Variants in SEMA6D observed in about 807,000 individuals in gnomAD.
The protein encoded by SEMA6D is semaphorin-6D.
Under a neutral mutation model 106.6 loss-of-function variants are expected in SEMA6D, and 35 were observed. The observed-to-expected ratio is 0.33, with a 90% CI of 0.25 to 0.44. SEMA6D has a LOEUF of 0.44. SEMA6D is among the 20% of genes least tolerant of loss of function. The pLI, the probability that SEMA6D is intolerant of heterozygous loss-of-function variation, is 1.00. For synonymous variants in SEMA6D, 499 were observed against 487.7 expected (o/e 1.02, Z -0.31); for missense variants, 1,185 against 1,345.9 (o/e 0.88, Z 1.87).
chr15:47,768,401 A>G (rs1306944746), intron 17 of SEMA6D, among the ~76,000 whole-genome samples, 180 bp from the exon 18 acceptor site: 1 of 152,018 alleles, frequency 6.6e-6, no homozygotes, highest in African/African-American at 2.4e-5. Flanking sequence ...GTTAATTTTT[A>G]GTTTTCATTC....
At chr15:47,656,535 A>C (rs529935953) in intron 4 of SEMA6D, among the ~76,000 whole-genome samples, 1 of 152,188 alleles carries the variant, frequency 6.6e-6, no homozygotes, top group African/African-American at 2.4e-5. Flanking sequence ...GAACACACTT[A>C]CTCTATTTGT....
chr15:47,644,409 A>T (rs1036133511), intron 4 of SEMA6D, among the ~76,000 whole-genome samples: 1 of 152,224 alleles, frequency 6.6e-6, no homozygotes, highest in Non-Finnish European at 1.5e-5. Context: ...ATGCATTTTG[A>T]AGCAATTAAT....
chr15:47,507,189 A>T (rs934489099), intron 3 of SEMA6D, among the ~76,000 whole-genome samples: 5 of 152,202 alleles, frequency 3.3e-5, no homozygotes, highest in Non-Finnish European at 7.3e-5. Context: ...ATGATGAGAA[A>T]ACTAAATAGG....
At chr15:47,220,936 G>A (rs1206190646) in intron 1 of SEMA6D, among the ~76,000 whole-genome samples, 2 of 152,126 alleles carry the variant, frequency 1.3e-5, no homozygotes, top group African/African-American at 4.8e-5. Context: ...ATTAATACTT[G>A]CATTCAATAA....
chr15:47,486,561 C>T (rs989196722), intron 3 of SEMA6D, among the ~76,000 whole-genome samples: 7 of 152,170 alleles, frequency 4.6e-5, no homozygotes, highest in African/African-American at 1.7e-4. Context: ...GCTGGACGTG[C>T]ACTACAATGA....
intron 1 of SEMA6D, among the ~76,000 whole-genome samples, chr15:47,744,573 G>A (rs1165643423): frequency 6.6e-6 from 1 of 152,148 alleles, no homozygotes. Flanking sequence ...TTGTGGGGGG[G>A]AAAATGCACC....
intron 3 of SEMA6D, among the ~76,000 whole-genome samples, chr15:47,593,278 G>A (rs1013038566): frequency 2.6e-5 from 4 of 151,954 alleles, no homozygotes; most frequent in Admixed American, 1.3e-4. Context: ...GGTGGCTGGC[G>A]CCTGTAGTCC....
intron 3 of SEMA6D, among the ~76,000 whole-genome samples, chr15:47,502,642 T>G (rs1332845594): frequency 1.3e-5 from 2 of 152,240 alleles, no homozygotes; most frequent in African/African-American, 4.8e-5. Context: ...CTTTGAAAGA[T>G]GGCTCCCTTC....
chr15:47,468,864 T>A (rs1043671247), intron 2 of SEMA6D, among the ~76,000 whole-genome samples: 2 of 152,104 alleles, frequency 1.3e-5, no homozygotes, highest in African/African-American at 4.8e-5. Flanking sequence ...ATCAACACAC[T>A]AGGAAGCCAT....
chr15:47,556,392 C>T (rs138801709), intron 3 of SEMA6D, among the ~76,000 whole-genome samples: 1 of 152,166 alleles, frequency 6.6e-6, no homozygotes, highest in East Asian at 1.9e-4. Flanking sequence ...TTGATGAATA[C>T]ATAAGGATTA....
At chr15:47,441,456 C>T (rs2140782306) in intron 2 of SEMA6D, among the ~76,000 whole-genome samples, 1 of 152,178 alleles carries the variant, frequency 6.6e-6, no homozygotes, top group South Asian at 2.1e-4. Flanking sequence ...ACAAGCAAGA[C>T]AAATGATATG....
At chr15:47,353,512 T>G (rs1816850516) in intron 1 of SEMA6D, among the ~76,000 whole-genome samples, 2 of 152,194 alleles carry the variant, frequency 1.3e-5, no homozygotes, top group Non-Finnish European at 2.9e-5. Flanking sequence ...TCAACTAAGG[T>G]CATACGTTAC....
chr15:47,757,414 A>G (rs1375827735), intron 1 of SEMA6D, among the ~76,000 whole-genome samples: 2 of 152,144 alleles, frequency 1.3e-5, no homozygotes, highest in African/African-American at 2.4e-5. Flanking sequence ...AACATTTTAT[A>G]CTTTTATACT....
At chr15:47,280,160 A>G (rs2035044426) in intron 1 of SEMA6D, among the ~76,000 whole-genome samples, 1 of 151,516 alleles carries the variant, frequency 6.6e-6, no homozygotes, top group South Asian at 2.1e-4. Flanking sequence ...CTGGTCCTGG[A>G]CTCTTCTTGG....
intron 2 of SEMA6D, among the ~76,000 whole-genome samples, chr15:47,468,689 G>T (rs750758369): frequency 3.3e-5 from 5 of 152,122 alleles, no homozygotes; most frequent in Admixed American, 6.5e-5. Flanking sequence ...TATTAAAGCG[G>T]CACTTTTCCT....
chr15:47,425,851 A>C (rs1464007818), intron 2 of SEMA6D, among the ~76,000 whole-genome samples: 1 of 151,906 alleles, frequency 6.6e-6, no homozygotes, highest in Non-Finnish European at 1.5e-5. Context: ...TAGGACTGGA[A>C]ACAAATTTAT....
At chr15:47,360,899 CAT>C (rs1484237129) in intron 1 of SEMA6D, among the ~76,000 whole-genome samples, 1 of 152,206 alleles carries the variant, frequency 6.6e-6, no homozygotes, top group African/African-American at 2.4e-5. Flanking sequence ...ATATTTGAAA[CAT>C]ATGTTTACAT....
chr15:47,455,994 C>A (rs1160102984), intron 2 of SEMA6D, among the ~76,000 whole-genome samples: 1 of 151,904 alleles, frequency 6.6e-6, no homozygotes, highest in Non-Finnish European at 1.5e-5. Context: ...ATGATGATGG[C>A]GATGATGATT....
rs140899561 is a variant in SEMA6D at position 47,195,965 on chromosome 15, C to T, written c.-239+11547C>T. Among the ~76,000 whole-genome samples the T allele has an allele frequency of 1.5e-3, 232 of 151,950 alleles. 2 individuals are homozygous for T. Among genetic ancestry groups the T allele is most frequent in the Non-Finnish European group, 1.3e-4 (9 of 68,008 alleles). Reference sequence around the variant, plus strand: ...AGGCCCCCCAGGCCACCTGCCTTCACCCACCACCACTGGCCTCAGGTGCTC... The same window carrying T: ...AGGCCCCCCAGGCCACCTGCCTTCATCCACCACCACTGGCCTCAGGTGCTC... On this transcript the variant is annotated intron_variant, in intron 1 of 19. Transcript: ENST00000558014.
Sources: gnomAD v4.1 joint callset for allele counts (sites outside exome capture counted in the v4.1 genomes callset) on GRCh38, gnomAD v4.1.1 for gene constraint, MANE v1.5 for transcripts, NCBI Gene and HGNC (gene_info 2026-07-23, HGNC 2026-07-21) for gene names.